PRSS23: variants seen among roughly 807,000 people sequenced by gnomAD.
PRSS23 encodes protease, serine 23.
PRSS23 carries 25 observed loss-of-function variants against 34.7 expected under a neutral mutation model. The observed-to-expected ratio is 0.72, with a 90% CI of 0.53 to 1.01. The LOEUF (loss-of-function observed/expected upper bound fraction) is 1.01. PRSS23 is among the 50% of genes least tolerant of loss of function. PRSS23 has a pLI of 0.00. For missense variants in PRSS23, 445 were observed against 475.6 expected (o/e 0.94, Z 0.60); for synonymous variants, 176 against 186.6 (o/e 0.94, Z 0.46).
intron 1 of PRSS23, among the ~76,000 whole-genome samples, chr11:86,795,512 A>C (rs1391053715): frequency 1.3e-5 from 2 of 152,266 alleles, no homozygotes; most frequent in African/African-American, 4.8e-5. Flanking sequence ...TGGGTGCCCC[A>C]AAATTAAAAA....
At chr11:86,931,755 C>T (rs547175839) in intron 2 of PRSS23, among the ~76,000 whole-genome samples, 2 of 152,142 alleles carry the variant, frequency 1.3e-5, no homozygotes, top group Non-Finnish European at 2.9e-5. Flanking sequence ...GACCCACTCA[C>T]CTTGGCCTCC....
intron 2 of PRSS23, among the ~76,000 whole-genome samples, chr11:86,900,781 C>CTTTTTTTT (rs60869425): frequency 9.6e-5 from 9 of 94,020 alleles, no homozygotes; most frequent in Non-Finnish European, 1.1e-4. Context: ...ATCTCTCTCT[C>CTTTTTTTT]TTTTTTTTTT....
At chr11:86,940,258 G>A (rs1278864004) in intron 2 of PRSS23, among the ~76,000 whole-genome samples, 1 of 152,160 alleles carries the variant, frequency 6.6e-6, no homozygotes, top group Non-Finnish European at 1.5e-5. Flanking sequence ...GCAAGCTGCC[G>A]TGGCCTCTGG....
At chr11:86,934,147 A>T (rs1949145168) in intron 2 of PRSS23, 3 of 152,178 alleles carry the variant, frequency 2.0e-5, no homozygotes, top group African/African-American at 7.2e-5. Flanking sequence ...ACTTGAAATA[A>T]CAGATGTATG....
In PRSS23 at chr11:86,862,582, C is replaced by T. The variant is rs547357076; in HGVS notation, c.206+38989C>T. Among the ~76,000 whole-genome samples, 7 of 151,810 alleles carry T rather than the reference C, an allele frequency of 4.6e-5. No individual in the cohort carries two copies. In the South Asian group the frequency reaches 1.5e-3, roughly 32 times the overall value. On this transcript the variant is annotated intron_variant, in intron 2 of 2. Transcript: ENST00000533902. ...CCCAATATCCAAGGAGAATGCTACT[C>T]CTAATGTCACAGGGGGTGTAAACCC... is the stretch of plus-strand genomic sequence containing the variant.
In PRSS23 at chr11:86,916,226, T is replaced by C. The variant is rs188803611; in HGVS notation, c.207-34990T>C. Among the ~76,000 whole-genome samples the C allele has an allele frequency of 9.6e-3, 1,469 of 152,280 alleles. 12 individuals carry two copies. The highest frequency in any genetic ancestry group is 0.054 in the Middle Eastern group (16 of 294). ...TTTAGACTGAGAGATTTTGGTTTTC[T>C]TTTTACAAAAAAAACCCATAAACAC... On this transcript the variant is annotated intron_variant, in intron 2 of 2. Transcript: ENST00000533902.
intron 2 of PRSS23, among the ~76,000 whole-genome samples, chr11:86,850,296 T>C (rs912718421): frequency 6.6e-6 from 1 of 152,172 alleles, no homozygotes; most frequent in Admixed American, 6.5e-5. Flanking sequence ...GCCTAGAAAG[T>C]TCCCCTCTGG....
At chr11:86,929,336 A>C (rs1277806700) in intron 2 of PRSS23, among the ~76,000 whole-genome samples, 6 of 139,518 alleles carry the variant, frequency 4.3e-5, no homozygotes, top group African/African-American at 1.1e-4. Flanking sequence ...AAAAAAAAAC[A>C]AAAAAAAAAA....
At chr11:86,929,776 G>A (rs1483693360) in intron 2 of PRSS23, among the ~76,000 whole-genome samples, 2 of 152,040 alleles carry the variant, frequency 1.3e-5, no homozygotes, top group East Asian at 1.9e-4. Flanking sequence ...TTATGATCAC[G>A]AAAGATTAAA....
intron 2 of PRSS23, among the ~76,000 whole-genome samples, chr11:86,858,400 C>T (rs1329627546): frequency 6.6e-6 from 1 of 151,446 alleles, no homozygotes; most frequent in Non-Finnish European, 1.5e-5. Context: ...TGTTATTACT[C>T]CCAATACCGA....
At chr11:86,812,787 C>CAAA (rs35855610), downstream of PRSS23, among the ~76,000 whole-genome samples, 118 of 83,880 alleles carry the variant, frequency 1.4e-3, no homozygotes, top group East Asian at 0.01. Context: ...GACTCTGTCT[C>CAAA]AAAAAAAAAA....
intron 2 of PRSS23, among the ~76,000 whole-genome samples, chr11:86,859,059 G>A (rs906543862): frequency 6.6e-6 from 1 of 151,826 alleles, no homozygotes; most frequent in Non-Finnish European, 1.5e-5. Context: ...GAGAGAGGGT[G>A]ATATTACACC....
upstream of PRSS23, among the ~76,000 whole-genome samples, chr11:86,797,809 T>C (rs2508423): frequency 0.017 from 2,532 of 152,358 alleles, 36 homozygotes; most frequent in Admixed American, 0.039. Context: ...CTATGTATAT[T>C]CATTCAATTC....
intron 2 of PRSS23, among the ~76,000 whole-genome samples, chr11:86,889,221 C>T (rs776655543): frequency 1.3e-5 from 2 of 152,136 alleles, no homozygotes; most frequent in African/African-American, 4.8e-5. Flanking sequence ...GAGTGGTGTA[C>T]AGTTCAGCAG....
chr11:86,892,701 C>A (rs1414366118), intron 2 of PRSS23, among the ~76,000 whole-genome samples: 1 of 150,456 alleles, frequency 6.6e-6, no homozygotes, highest in Non-Finnish European at 1.5e-5. Flanking sequence ...TGTAAAATTA[C>A]TTGAATAAAT....
chr11:86,805,886 C>G (rs1948095496), intron 1 of PRSS23, among the ~76,000 whole-genome samples: 1 of 152,200 alleles, frequency 6.6e-6, no homozygotes, highest in South Asian at 2.1e-4. Context: ...CAGTTTCTTC[C>G]TAACTTCTGC....
intron 2 of PRSS23, chr11:86,950,573 T>C (rs2135038682): frequency 6.0e-6 from 1 of 167,098 alleles, no homozygotes; most frequent in South Asian, 1.5e-4. Context: ...ACACCACTTC[T>C]TGGGAGTGCA....
chr11:86,892,405 T>C (rs1948847784), intron 2 of PRSS23: 2 of 152,176 alleles, frequency 1.3e-5, no homozygotes, highest in African/African-American at 4.8e-5. Flanking sequence ...TGAATGAGAT[T>C]GGGCGGGAGC....
intron 2 of PRSS23, among the ~76,000 whole-genome samples, chr11:86,906,326 C>T (rs1460920700): frequency 2.0e-5 from 3 of 152,160 alleles, no homozygotes; most frequent in African/African-American, 7.2e-5. Flanking sequence ...GGCTCGGCTG[C>T]GGCCTCTCAA....
Sources: allele counts gnomAD v4.1 joint callset (sites outside exome capture counted in the v4.1 genomes callset), GRCh38; gene constraint gnomAD v4.1.1; transcripts MANE v1.5; gene names NCBI Gene and HGNC (gene_info 2026-07-23, HGNC 2026-07-21).